CHKA: variants seen among roughly 807,000 people sequenced by gnomAD.
CHKA encodes the protein CHETK-alpha.
CHKA carries 34 observed loss-of-function variants against 60.1 expected under a neutral mutation model. The observed-to-expected ratio is 0.57, with a 90% CI of 0.43 to 0.75. The LOEUF is 0.75. Ranked by LOEUF, CHKA falls within the 30% of genes least tolerant of loss-of-function variation. CHKA has a pLI of 0.00. For synonymous variants in CHKA, 217 were observed against 223.1 expected (o/e 0.97, Z 0.24); for missense variants, 563 against 561.3 (o/e 1.00, Z -0.03).
At chr11:68,065,456 T>C (rs1248347186) in intron 9 of CHKA, among the ~76,000 whole-genome samples, 1 of 152,162 alleles carries the variant, frequency 6.6e-6, no homozygotes, top group East Asian at 1.9e-4. Flanking sequence ...TCCCAGCAGT[T>C]TGGGAGGCTG....
At chr11:68,081,921 C>G (rs1436436941) in intron 2 of CHKA, 1 of 153,488 alleles carries the variant, frequency 6.5e-6, no homozygotes, top group African/African-American at 2.4e-5. Flanking sequence ...GAGAAGAAAG[C>G]GCTGTGCAGG....
chr11:68,054,178 C>T lies in CHKA; in HGVS notation c.1315-131G>A. The T allele has an allele frequency of 4.0e-6, 3 of 742,266 alleles. No individual in the cohort carries two copies. The South Asian group carries it at 5.0e-5, about 12-fold the overall frequency. The allele number at this position is 742,266 out of a possible 1,614,324, so 46.0% of individuals were successfully genotyped here. On this transcript the variant is annotated intron_variant, in intron 11 of 11. Coordinates refer to ENST00000265689, the MANE Select transcript of CHKA (RefSeq NM_001277.3). ...CATGAGACCAAAAGCACAGGACTGGCCTGTGCAGCAGGGCTGCTCGGGGGC... is the reference window on the plus strand; with the variant it reads ...CATGAGACCAAAAGCACAGGACTGGTCTGTGCAGCAGGGCTGCTCGGGGGC...
intron 7 of CHKA, among the ~76,000 whole-genome samples, 182 bp from the exon 8 acceptor site, chr11:68,066,698 T>C (rs1349503437): frequency 6.6e-6 from 1 of 152,208 alleles, no homozygotes. Flanking sequence ...CATAACCCTA[T>C]GCAGGGTGGC....
intron 4 of CHKA, among the ~76,000 whole-genome samples, chr11:68,072,280 C>G (rs1337439192): frequency 6.6e-6 from 1 of 152,170 alleles, no homozygotes; most frequent in Non-Finnish European, 1.5e-5. Context: ...CGTGGTGGCT[C>G]ATGCCTGTAA....
At chr11:68,092,581 T>C (rs1857384236) in intron 2 of CHKA, among the ~76,000 whole-genome samples, 1 of 152,230 alleles carries the variant, frequency 6.6e-6, no homozygotes, top group African/African-American at 2.4e-5. Context: ...TCTAAGCCTG[T>C]TCTCTACTTT....
intron 11 of CHKA, among the ~76,000 whole-genome samples, chr11:68,055,915 G>A (rs1274664149): frequency 1.3e-5 from 2 of 151,950 alleles, no homozygotes; most frequent in African/African-American, 4.8e-5. Flanking sequence ...AGGCATGGTG[G>A]TGGGCTCCTG....
Position 68,053,208 on chromosome 11 carries a change from C to T in CHKA, c.*780G>A, listed in dbSNP as rs1337793630. On this transcript the variant is annotated 3_prime_UTR_variant, in exon 12 of 12. Coordinates refer to ENST00000265689, the MANE Select transcript of CHKA (RefSeq NM_001277.3). ...AGGCCCAAAGAGCTAGGTCAAGCAG[C>T]TGGCTCCCCTGGGAGGGGAGCCGGG... 6.5e-6 allele frequency: 1 copy of T among 153,536 alleles called. No homozygotes were observed. The highest frequency in any genetic ancestry group is 1.5e-5 in the Non-Finnish European group (1 of 68,770). 9.5% of individuals were successfully genotyped at this position (153,536 alleles called of 1,614,324 possible).
chr11:68,065,008 T>G (rs1856393515), intron 9 of CHKA, among the ~76,000 whole-genome samples: 2 of 152,264 alleles, frequency 1.3e-5, no homozygotes, highest in African/African-American at 4.8e-5. Flanking sequence ...GAGAGAAAGA[T>G]CTCAGGAGGA....
chr11:68,120,794 C>A, intron 1 of CHKA, 34 bp downstream of exon 1: 1 of 1,123,038 alleles, frequency 8.9e-7, no homozygotes, highest in South Asian at 2.7e-5. Context: ...CGTCACCTGA[C>A]TGTCCCGCGG....
At chr11:68,098,627 T>C (rs1014792160) in intron 1 of CHKA, among the ~76,000 whole-genome samples, 7 of 152,212 alleles carry the variant, frequency 4.6e-5, no homozygotes, top group African/African-American at 1.4e-4. Flanking sequence ...CTAAACTATA[T>C]ATTTTTAAAT....
chr11:68,109,002 T>C (rs1858025390), intron 1 of CHKA, among the ~76,000 whole-genome samples: 1 of 132,634 alleles, frequency 7.5e-6, no homozygotes, highest in African/African-American at 2.8e-5. Flanking sequence ...ACGAGTTCCT[T>C]ACAGTGAAAA....
intron 1 of CHKA, among the ~76,000 whole-genome samples, chr11:68,113,765 C>A (rs1300135455): frequency 6.6e-6 from 1 of 151,908 alleles, no homozygotes; most frequent in Non-Finnish European, 1.5e-5. Context: ...GAGGCCGAGG[C>A]AGGTGGATCA....
chr11:68,073,085 CTA>C (rs1414655043), intron 4 of CHKA, among the ~76,000 whole-genome samples: 1 of 152,148 alleles, frequency 6.6e-6, no homozygotes, highest in African/African-American at 2.4e-5. Flanking sequence ...ATACTATAAT[CTA>C]TGTGTCCTGA....
intron 11 of CHKA, among the ~76,000 whole-genome samples, chr11:68,059,295 G>A (rs1301415734): frequency 6.6e-6 from 1 of 152,102 alleles, no homozygotes; most frequent in African/African-American, 2.4e-5. Context: ...CTTGTCAAAT[G>A]CTTTTTCCTG....
chr11:68,120,999 G>C lies in CHKA; in HGVS notation c.179C>G (p.Pro60Arg). The change falls in exon 1 of 12, where the codon CCG (proline) becomes CGG (arginine). Residue 60 changes from proline (P) to arginine (R), a missense_variant. Coordinates refer to ENST00000265689, the MANE Select transcript of CHKA (RefSeq NM_001277.3). Reference protein sequence around the residue: ...GQQPPLALPPPPPLPLPLPLP... With the variant: ...GQQPPLALPPRPPLPLPLPLP... ...CGGCAGCGGCAGCGGCAGCGGCGGC[G>C]GAGGGGGCAGCGCGAGCGGCGGCTG... 8.9e-7 allele frequency: 1 copy of C among 1,119,578 alleles called. No individual in the cohort carries two copies. Among genetic ancestry groups the C allele is most frequent in the Non-Finnish European group, 1.1e-6 (1 of 916,586 alleles). 69.4% of individuals were successfully genotyped at this position (1,119,578 alleles called of 1,614,324 possible). A position where few individuals can be genotyped will look rare whatever the true frequency, so the allele number is the denominator to read the frequency against.
At chr11:68,056,269 C>T (rs1397466781) in intron 11 of CHKA, among the ~76,000 whole-genome samples, 1 of 152,164 alleles carries the variant, frequency 6.6e-6, no homozygotes, top group Admixed American at 6.5e-5. Flanking sequence ...GTCCCTGGCT[C>T]ATAACTCCCA....
chr11:68,083,028 C>G (rs1018236570), intron 2 of CHKA, among the ~76,000 whole-genome samples: 2 of 152,202 alleles, frequency 1.3e-5, no homozygotes, highest in African/African-American at 4.8e-5. Flanking sequence ...CTCTCGTGGC[C>G]GCATCGTTCC....
chr11:68,111,409 T>C (rs1445569724), intron 1 of CHKA, among the ~76,000 whole-genome samples: 5 of 142,582 alleles, frequency 3.5e-5, no homozygotes, highest in Non-Finnish European at 6.1e-5. Context: ...CCAAACTCCA[T>C]CTCAAGAAAA....
At chr11:68,070,150 T>C (rs765048877) in intron 6 of CHKA, 39 bp downstream of exon 6, 56 of 1,427,616 alleles carry the variant, frequency 3.9e-5, no homozygotes, top group Non-Finnish European at 4.9e-5. Flanking sequence ...TTTTAGTGAC[T>C]AAGAATATTT....
Sources: allele counts gnomAD v4.1 joint callset (sites outside exome capture counted in the v4.1 genomes callset), GRCh38; gene constraint gnomAD v4.1.1; transcripts MANE v1.5; gene names NCBI Gene and HGNC (gene_info 2026-07-23, HGNC 2026-07-21).